Variants in NSUN4 observed in about 807,000 individuals in gnomAD.
The protein encoded by NSUN4 is 5-cytosine rRNA methyltransferase NSUN4.
In NSUN4, 31 loss-of-function variants were observed where a neutral mutation model predicts 43.8. The observed-to-expected ratio is 0.71, with a 90% CI of 0.53 to 0.96. The LOEUF (loss-of-function observed/expected upper bound fraction) is 0.96. Among genes scored for constraint, NSUN4 ranks in the 40% least tolerant of loss-of-function variants. NSUN4 has a pLI of 0.00. For synonymous variants in NSUN4, 167 were observed against 184.1 expected (o/e 0.91, Z 0.75); for missense variants, 439 against 475.6 (o/e 0.92, Z 0.72).
chr1:46,361,986 T>A lies in NSUN4; in HGVS notation c.*140T>A. 1 of 779,082 alleles carries A rather than the reference T, an allele frequency of 1.3e-6. No homozygotes were observed. Among genetic ancestry groups the A allele is most frequent in the Non-Finnish European group, 2.0e-6 (1 of 495,174 alleles). The allele number at this position is 779,082 out of a possible 1,614,324, so 48.3% of individuals were successfully genotyped here. ...CGTGTCTTTCTGCAGTTTTCGGCAA[T>A]AAGAAGTAGAAGATTTGCTGTCCTG... On this transcript the variant is annotated 3_prime_UTR_variant, in exon 6 of 6. Coordinates refer to ENST00000474844, the MANE Select transcript of NSUN4 (RefSeq NM_199044.4).
chr1:46,340,907 T>A lies in NSUN4; in HGVS notation c.81T>A (p.Tyr27Ter). The stretch of plus-strand genomic sequence containing the variant: ...CGACGGTCCCGCGGAGACATCGATA[T>A]AAGAAGAAATGGGTAAGGTCCGGCT... Reference protein sequence around the residue: ...DLATVPRRHRYKKKWAATEPK... With the variant: ...DLATVPRRHR The change falls in exon 1 of 6, where the codon TAT (tyrosine) becomes TAA (stop). Residue 27 changes from tyrosine (Y) to a stop codon, truncating the protein, a stop_gained. Coordinates refer to ENST00000474844, the MANE Select transcript of NSUN4 (RefSeq NM_199044.4). LOFTEE classifies it high-confidence loss of function. 1 of 1,613,200 alleles carries A rather than the reference T, an allele frequency of 6.2e-7. No individual in the cohort carries two copies. The highest frequency in any genetic ancestry group is 1.1e-5 in the South Asian group (1 of 90,984).
chr1:46,351,269 CAGG>C (rs1170394630), intron 3 of NSUN4, among the ~76,000 whole-genome samples: 4 of 152,108 alleles, frequency 2.6e-5, no homozygotes, highest in African/African-American at 7.2e-5. Flanking sequence ...GAGGCTGAGG[CAGG>C]AGAATCGCTT....
chr1:46,383,448 G>GT, the NSUN4 span, among the ~76,000 whole-genome samples: 20,390 of 102,290 alleles, frequency 0.2, 2,660 homozygotes, highest in Non-Finnish European at 0.26. Flanking sequence ...GTTGGCTGGT[G>GT]TTTTTTTTTT....
chr1:46,360,766 C>T lies in NSUN4; in HGVS notation c.816C>T (p.Ile272=), dbSNP rs143087300. The T allele has an allele frequency of 2.1e-5, 34 of 1,613,958 alleles. No individual in the cohort carries two copies. Among genetic ancestry groups the T allele is most frequent in the Non-Finnish European group, 2.7e-5 (32 of 1,179,946 alleles). Residue 272 remains isoleucine (I), a synonymous_variant, in exon 5 of 6, where the codon ATC becomes ATT. Transcript: ENST00000474844. Reference sequence around the variant, plus strand: ...CCCTTCATGAGGAGGAGAACAACATCTTTAAGCGGTCAAGGAAGAAGGAGC... The same window carrying T: ...CCCTTCATGAGGAGGAGAACAACATTTTTAAGCGGTCAAGGAAGAAGGAGC... ...RHSLHEEENN[I]FKRSRKKERQ... is the part of the protein sequence containing the mutation.
chr1:46,370,499 C>G, the NSUN4 span: 1 of 151,494 alleles, frequency 6.6e-6, no homozygotes, highest in Non-Finnish European at 1.5e-5. Flanking sequence ...GTAGGCATAG[C>G]CACGTGACTT....
Position 46,352,905 on chromosome 1 carries a change from A to T in NSUN4, c.630A>T (p.Ile210=). The change falls in exon 4 of 6, where the codon ATA becomes ATT. Residue 210 remains isoleucine, a synonymous_variant. Transcript: ENST00000474844. Reference sequence around the variant, plus strand: ...CCAATGATCTCTCCCCGTCCCGAATAGCCAGACTACAGAAGATCCTTCACA... The same window carrying T: ...CCAATGATCTCTCCCCGTCCCGAATTGCCAGACTACAGAAGATCCTTCACA... ...LAANDLSPSR[I]ARLQKILHSY... 6.2e-7 allele frequency: 1 copy of T among 1,614,196 alleles called. No individual in the cohort carries two copies. The highest frequency in any genetic ancestry group is 8.5e-7 in the Non-Finnish European group (1 of 1,180,022).
chr1:46,366,556 A>G (rs1664136751), downstream of NSUN4, among the ~76,000 whole-genome samples: 1 of 152,090 alleles, frequency 6.6e-6, no homozygotes, highest in Non-Finnish European at 1.5e-5. Context: ...CCCTAAAAAA[A>G]GAGAAGGGGG....
chr1:46,369,734 A>T (rs1405013140), downstream of NSUN4, among the ~76,000 whole-genome samples: 2 of 152,138 alleles, frequency 1.3e-5, no homozygotes, highest in African/African-American at 4.8e-5. Context: ...CCTGCAGTGT[A>T]AGGAGAAAGG....
At position 46,363,194 on chromosome 1, in the gene NSUN4, T is replaced by C. The variant is rs368244726; in HGVS notation, c.*1348T>C. 2.6e-5 allele frequency: 4 copies of C among 152,188 alleles called. No individual in the cohort carries two copies. In the East Asian group the frequency reaches 5.8e-4, roughly 22 times the overall value. 9.4% of individuals were successfully genotyped at this position (152,188 alleles called of 1,614,324 possible). A position where few individuals can be genotyped will look rare whatever the true frequency, so the allele number is the denominator to read the frequency against. ...GCTGAGGTTAAGCCTTCTTTTGGGA[T>C]TTGCATTGTAATTGAGGGCCCTGGA... On this transcript the variant is annotated 3_prime_UTR_variant, in exon 6 of 6. Transcript: ENST00000474844.
chr1:46,340,913 G>A lies in NSUN4; in HGVS notation c.87G>A (p.Lys29=). Reference sequence around the variant, plus strand: ...TCCCGCGGAGACATCGATATAAGAAGAAATGGGTAAGGTCCGGCTGGGGGC... The same window carrying A: ...TCCCGCGGAGACATCGATATAAGAAAAAATGGGTAAGGTCCGGCTGGGGGC... The part of the protein sequence containing the change: ...ATVPRRHRYK[K]KWAATEPKFP... Residue 29 remains lysine, a synonymous_variant, in exon 1 of 6, where the codon AAG becomes AAA. Transcript: ENST00000474844. 1 of 1,613,028 alleles carries A rather than the reference G, an allele frequency of 6.2e-7. No individual in the cohort carries two copies. Among genetic ancestry groups the A allele is most frequent in the African/African-American group, 1.3e-5 (1 of 74,992 alleles).
At chr1:46,377,073 A>G in the NSUN4 span, among the ~76,000 whole-genome samples, 3 of 145,408 alleles carry the variant, frequency 2.1e-5, no homozygotes, top group East Asian at 2.1e-4. Flanking sequence ...TTTTCAAGAC[A>G]AAGTTTTGCT....
intron 4 of NSUN4, among the ~76,000 whole-genome samples, chr1:46,355,506 C>T (rs562312831): frequency 4.6e-5 from 7 of 152,132 alleles, no homozygotes; most frequent in Non-Finnish European, 7.4e-5. Context: ...GTGCCTATCC[C>T]GTAGGTGAAA....
At chr1:46,370,519 A>C in the NSUN4 span, 7 of 150,062 alleles carry the variant, frequency 4.7e-5, no homozygotes, top group East Asian at 1.4e-3. Context: ...TGCTTTAGCC[A>C]ATGAAATGTG....
chr1:46,384,073 G>A, the NSUN4 span, among the ~76,000 whole-genome samples: 1 of 152,206 alleles, frequency 6.6e-6, no homozygotes, highest in African/African-American at 2.4e-5. Context: ...CAGAGCAGGA[G>A]ATCGGAATGG....
intron 3 of NSUN4, among the ~76,000 whole-genome samples, chr1:46,351,156 G>T (rs1418892708): frequency 6.6e-6 from 1 of 151,110 alleles, no homozygotes; most frequent in Non-Finnish European, 1.5e-5. Flanking sequence ...ACCTGAGGTC[G>T]GGAGTTCAAG....
the NSUN4 span, among the ~76,000 whole-genome samples, chr1:46,377,399 A>G: frequency 6.6e-6 from 1 of 152,162 alleles, no homozygotes; most frequent in African/African-American, 2.4e-5. Context: ...ATTTGCCTAC[A>G]ACCTACCAAG....
the NSUN4 span, among the ~76,000 whole-genome samples, chr1:46,378,962 G>A: frequency 9.5e-4 from 144 of 152,292 alleles, 1 homozygote; most frequent in African/African-American, 3.3e-3. Flanking sequence ...CTAAGAAGTA[G>A]CACAAAATTC....
At position 46,344,875 on chromosome 1, in the gene NSUN4, T is replaced by G; in HGVS notation, c.168T>G (p.Phe56Leu). 6.2e-7 allele frequency: 1 copy of G among 1,614,210 alleles called. No homozygotes were observed. The change falls in exon 2 of 6, where the codon TTT becomes TTG. Residue 56 changes from phenylalanine to leucine, a missense_variant. Physicochemically the swap from Phe to Leu is conservative, Grantham distance 22. Coordinates refer to ENST00000474844, the MANE Select transcript of NSUN4 (RefSeq NM_199044.4). ...TTGACATGACTTACAGTGTGCAGTTTGGAGATCTTTGGCCATCAATCCGTG... is the reference window on the plus strand; with the variant it reads ...TTGACATGACTTACAGTGTGCAGTTGGGAGATCTTTGGCCATCAATCCGTG... ...QNFDMTYSVQ[F>L]GDLWPSIRVS...
chr1:46,377,216 A>G, the NSUN4 span, among the ~76,000 whole-genome samples: 1 of 151,796 alleles, frequency 6.6e-6, no homozygotes, highest in East Asian at 1.9e-4. Flanking sequence ...CACCCGAGTA[A>G]TTTTTGTATT....
Sources: gnomAD v4.1 joint callset for allele counts (sites outside exome capture counted in the v4.1 genomes callset) on GRCh38, gnomAD v4.1.1 for gene constraint, MANE v1.5 for transcripts, NCBI Gene and HGNC (gene_info 2026-07-23, HGNC 2026-07-21) for gene names.